ICA1: variants seen among roughly 807,000 people sequenced by gnomAD.
ICA1 encodes the protein 69 kDa islet cell autoantigen.
In ICA1, 40 loss-of-function variants were observed where a neutral mutation model predicts 71.0. The ratio of observed to expected loss-of-function variants is 0.56; its 90% CI spans 0.44 to 0.73. ICA1 has a LOEUF of 0.73. Among genes scored for constraint, ICA1 ranks in the 30% least tolerant of loss-of-function variants. ICA1 has a pLI of 0.00. For missense variants in ICA1, 578 were observed against 576.5 expected, an observed-to-expected ratio of 1.00 and a Z score of -0.03; for synonymous variants, 207 against 209.5, an observed-to-expected ratio of 0.99 and a Z score of 0.10.
At chr7:8,199,872 C>T (rs575941154) in intron 6 of ICA1, among the ~76,000 whole-genome samples, 1 of 152,160 alleles carries the variant, frequency 6.6e-6, no homozygotes, top group African/African-American at 2.4e-5. Context: ...CAATTGAACT[C>T]ATGGAGACAG....
intron 1 of ICA1, among the ~76,000 whole-genome samples, chr7:8,237,896 C>A (rs987243581): frequency 6.6e-6 from 1 of 151,810 alleles, no homozygotes; most frequent in Non-Finnish European, 1.5e-5. Flanking sequence ...ATTTAGGTTG[C>A]TTTCACATCT....
chr7:8,230,890 T>G (rs1800065869), intron 3 of ICA1, among the ~76,000 whole-genome samples: 1 of 152,204 alleles, frequency 6.6e-6, no homozygotes, highest in Admixed American at 6.5e-5. Context: ...CACATACCCT[T>G]ATTCAGTTGG....
chr7:8,180,192 C>T (rs1781788899), intron 6 of ICA1, among the ~76,000 whole-genome samples: 1 of 151,882 alleles, frequency 6.6e-6, no homozygotes, highest in Non-Finnish European at 1.5e-5. Flanking sequence ...CAGTCAATAC[C>T]TCCTCAAAAA....
intron 6 of ICA1, among the ~76,000 whole-genome samples, chr7:8,159,658 C>T (rs769062431): frequency 2.6e-5 from 4 of 152,090 alleles, no homozygotes; most frequent in Non-Finnish European, 4.4e-5. Context: ...CAAGATTGTG[C>T]CACTGCACCC....
Position 8,221,524 on chromosome 7 carries a change from C to T in ICA1, c.257-126G>A, listed in dbSNP as rs116216727. ...AAGACGAGATGAAATTAAATCTAAG[C>T]GGCAGGCTACAGGGTAAGCTCCCCC... On this transcript the variant is annotated intron_variant, in intron 4 of 13. Coordinates refer to ENST00000402384, the MANE Select transcript of ICA1 (RefSeq NM_001136020.3). 1.0e-3 allele frequency: 1,106 copies of T among 1,078,000 alleles called. 3 individuals carry two copies. In the African/African-American group the frequency reaches 0.014, roughly 13 times the overall value. The allele number at this position is 1,078,000 out of a possible 1,614,324, so 66.8% of individuals were successfully genotyped here.
At chr7:8,172,154 C>T (rs551300878) in intron 6 of ICA1, among the ~76,000 whole-genome samples, 162 of 152,094 alleles carry the variant, frequency 1.1e-3, no homozygotes, top group African/African-American at 3.8e-3. Context: ...TGATTTCTGT[C>T]TATTTCTTCC....
chr7:8,129,500 G>A (rs1790628765), intron 12 of ICA1, among the ~76,000 whole-genome samples: 1 of 152,118 alleles, frequency 6.6e-6, no homozygotes, highest in African/African-American at 2.4e-5. Flanking sequence ...TCAGGGAGGG[G>A]AAGAATCTAG....
chr7:8,114,067 G>C, intron 13 of ICA1, 23 bp from the exon 14 acceptor site: 8 of 1,614,014 alleles, frequency 5.0e-6, no homozygotes, highest in Non-Finnish European at 6.8e-6. Flanking sequence ...GAGGAAACAT[G>C]AGCAAACGCA....
chr7:8,169,221 G>A (rs1807348621), intron 6 of ICA1, among the ~76,000 whole-genome samples: 1 of 152,014 alleles, frequency 6.6e-6, no homozygotes, highest in Admixed American at 6.6e-5. Context: ...TTCTCAAGTA[G>A]TATTTAATTG....
chr7:8,137,409 G>C (rs1007552704), intron 12 of ICA1, among the ~76,000 whole-genome samples: 1 of 152,188 alleles, frequency 6.6e-6, no homozygotes, highest in Admixed American at 6.5e-5. Flanking sequence ...TTGTTTACTG[G>C]TAAGACTTGT....
chr7:8,214,458 C>T (rs1794769495), intron 6 of ICA1, among the ~76,000 whole-genome samples: 2 of 152,244 alleles, frequency 1.3e-5, no homozygotes, highest in African/African-American at 2.4e-5. Context: ...CAACTGCACA[C>T]AGCTCAGCCC....
intron 2 of ICA1, among the ~76,000 whole-genome samples, chr7:8,233,103 G>T (rs1308290593): frequency 1.3e-5 from 2 of 151,982 alleles, no homozygotes; most frequent in Non-Finnish European, 2.9e-5. Context: ...ACCTCAGTGA[G>T]TCAGAGATAA....
chr7:8,239,863 T>C (rs933566808), intron 1 of ICA1, among the ~76,000 whole-genome samples: 1 of 152,250 alleles, frequency 6.6e-6, no homozygotes, highest in Non-Finnish European at 1.5e-5. Context: ...CTGCCATTGC[T>C]GAGGCATGAG....
At position 8,130,817 on chromosome 7, in the gene ICA1, A is replaced by G. The variant is rs1186634073; in HGVS notation, c.1061-2675T>C. ...AATAACCACAGACTGTAATAGCTCC[A>G]TCTTTGTTTTTATTGTTTAGGTTTT... is the stretch of plus-strand genomic sequence containing the variant. On this transcript the variant is annotated intron_variant, in intron 12 of 13. Coordinates refer to ENST00000402384, the MANE Select transcript of ICA1 (RefSeq NM_001136020.3). This position sits in a 1 kb window ranked among gnomAD's most constrained non-coding sequence, Gnocchi z 4.2. Among the ~76,000 whole-genome samples, 1 of 152,212 alleles carries G rather than the reference A, an allele frequency of 6.6e-6. No individual in the cohort carries two copies. Among genetic ancestry groups the G allele is most frequent in the African/African-American group, 2.4e-5 (1 of 41,452 alleles).
chr7:8,219,737 T>A (rs999997232), intron 5 of ICA1, among the ~76,000 whole-genome samples: 1 of 152,244 alleles, frequency 6.6e-6, no homozygotes, highest in African/African-American at 2.4e-5. Flanking sequence ...GACTACCAAA[T>A]AAGTCTGTAA....
At chr7:8,229,064 T>A (rs1036533262) in intron 3 of ICA1, among the ~76,000 whole-genome samples, 14 of 152,312 alleles carry the variant, frequency 9.2e-5, no homozygotes, top group Admixed American at 5.9e-4. Context: ...GGTTTTTTTT[T>A]AATGGGGGAT....
chr7:8,242,753 AATACAAACTAC>A (rs534498635), intron 1 of ICA1, among the ~76,000 whole-genome samples: 185 of 152,336 alleles, frequency 1.2e-3, no homozygotes, highest in African/African-American at 4.2e-3. Flanking sequence ...ATCCCACAGA[AATACAAACTAC>A]CATCAGAGAA....
chr7:8,218,110 C>T (rs1394521392), intron 6 of ICA1, among the ~76,000 whole-genome samples, 195 bp downstream of exon 6: 1 of 152,210 alleles, frequency 6.6e-6, no homozygotes, highest in African/African-American at 2.4e-5. Context: ...CAATTTCCAG[C>T]TGTCTCTTCT....
chr7:8,157,270 G>C, intron 7 of ICA1, 56 bp from the exon 8 acceptor site: 2 of 1,475,744 alleles, frequency 1.4e-6, no homozygotes, highest in Non-Finnish European at 9.1e-7. Flanking sequence ...TCTAGTCCTG[G>C]TCCCCAGGGA....
Sources: allele counts gnomAD v4.1 joint callset (sites outside exome capture counted in the v4.1 genomes callset), GRCh38; gene constraint gnomAD v4.1.1; non-coding constraint Gnocchi (gnomAD v3.1); transcripts MANE v1.5; gene names NCBI Gene and HGNC (gene_info 2026-07-23, HGNC 2026-07-21).